Variants in NAP1L1 observed in about 807,000 individuals in gnomAD.
NAP1L1 encodes the protein nucleosome assembly protein 1-like 1.
In NAP1L1, 9 loss-of-function variants were observed where a neutral mutation model predicts 58.9. The ratio of observed to expected loss-of-function variants is 0.15; its 90% CI spans 0.09 to 0.27. The LOEUF (loss-of-function observed/expected upper bound fraction) is 0.27, where lower values mean the gene tolerates loss of function less well. Ranked by LOEUF, NAP1L1 falls within the 10% of genes least tolerant of loss-of-function variation. The pLI is 1.00. For synonymous variants in NAP1L1, 130 were observed against 138.3 expected, an observed-to-expected ratio of 0.94 and a Z score of 0.42; for missense variants, 302 against 458.8, an observed-to-expected ratio of 0.66 and a Z score of 3.12.
In NAP1L1 at chr12:76,076,610, A is replaced by G. The variant is rs923192650; in HGVS notation, c.-20-2371T>C. ...TATATATATCTCCACTCATATACGC[A>G]CATACTTTAATACAAATAAACCCTT... On this transcript the variant is annotated intron_variant, in intron 1 of 14. Coordinates refer to ENST00000618691, the MANE Select transcript of NAP1L1 (RefSeq NM_004537.7). 2.7e-5 allele frequency among the ~76,000 whole-genome samples: 4 copies of G among 146,684 alleles called. No individual in the cohort carries two copies. The Admixed American group carries it at 2.8e-4, about 10-fold the overall frequency.
In NAP1L1 at chr12:76,048,124, C is replaced by A. The variant is rs1371424788; in HGVS notation, c.*305G>T. Reference sequence around the variant, plus strand: ...TACAAAAAAAAAAAAAAGGTATTTCCTTTAACAGTTGTTAATTTTCATAGC... The same window carrying A: ...TACAAAAAAAAAAAAAAGGTATTTCATTTAACAGTTGTTAATTTTCATAGC... On this transcript the variant is annotated 3_prime_UTR_variant, in exon 15 of 15. Transcript: ENST00000618691. 2.4e-5 allele frequency: 8 copies of A among 336,242 alleles called. No homozygotes were observed. The highest frequency in any genetic ancestry group is 1.6e-3 in the Middle Eastern group (2 of 1,244). The allele number at this position is 336,242 out of a possible 1,614,324, so 20.8% of individuals were successfully genotyped here.
intron 6 of NAP1L1, chr12:76,056,831 G>C (rs1373266362): frequency 9.4e-6 from 3 of 318,956 alleles, no homozygotes; most frequent in African/African-American, 6.6e-5. Flanking sequence ...GGCCAACATG[G>C]CGAAACCCCA....
At position 76,053,168 on chromosome 12, in the gene NAP1L1, A is replaced by C. The variant is rs758946449; in HGVS notation, c.916+37T>G. On this transcript the variant is annotated intron_variant, in intron 10 of 14. Transcript: ENST00000618691. ...AAGAAGCTAAGCAATGCTTTTTATA[A>C]AACAACCGTTAATACTCAAGCTAAA... 10 of 1,612,198 alleles carry C rather than the reference A, an allele frequency of 6.2e-6. No homozygotes were observed. The South Asian group carries it at 9.9e-5, about 16-fold the overall frequency.
intron 4 of NAP1L1, among the ~76,000 whole-genome samples, chr12:76,066,391 T>G (rs879267353): frequency 1.3e-5 from 2 of 151,962 alleles, no homozygotes; most frequent in East Asian, 1.9e-4. Flanking sequence ...ATGGATAAAT[T>G]TGTAGAAATG....
chr12:76,068,425 G>A (rs1266929323), intron 3 of NAP1L1, among the ~76,000 whole-genome samples: 1 of 151,942 alleles, frequency 6.6e-6, no homozygotes, highest in East Asian at 1.9e-4. Context: ...CATACCCTAA[G>A]TAGTACAATC....
intron 7 of NAP1L1, 124 bp downstream of exon 7, chr12:76,055,909 A>C: frequency 1.0e-6 from 1 of 955,178 alleles, no homozygotes; most frequent in Non-Finnish European, 1.6e-6. Context: ...TACAGATATT[A>C]GCTATTTCAA....
chr12:76,060,871 T>C (rs1393526945), intron 4 of NAP1L1: 1 of 223,542 alleles, frequency 4.5e-6, no homozygotes, highest in Non-Finnish European at 9.3e-6. Context: ...GGCAGGTGGA[T>C]TCCTTTAGCC....
chr12:76,077,780 T>TA (rs1190167244), intron 1 of NAP1L1, among the ~76,000 whole-genome samples: 1 of 151,900 alleles, frequency 6.6e-6, no homozygotes, highest in Non-Finnish European at 1.5e-5. Context: ...GCTTAGGAGT[T>TA]AGAGACCAGC....
At chr12:76,072,470 CACA>C (rs1950000695) in intron 2 of NAP1L1, among the ~76,000 whole-genome samples, 1 of 152,030 alleles carries the variant, frequency 6.6e-6, no homozygotes, top group African/African-American at 2.4e-5. Context: ...CAATCCAACA[CACA>C]ACATCTAATA....
intron 3 of NAP1L1, among the ~76,000 whole-genome samples, chr12:76,067,967 TA>T (rs1014755478): frequency 7.9e-5 from 12 of 152,306 alleles, no homozygotes; most frequent in African/African-American, 2.9e-4. Flanking sequence ...TTAATAAAGT[TA>T]ATAGTTGGGA....
chr12:76,053,055 T>C (rs1026249087), intron 11 of NAP1L1, 36 bp downstream of exon 11: 8 of 1,572,804 alleles, frequency 5.1e-6, no homozygotes, highest in Non-Finnish European at 6.9e-6. Context: ...TCAAATATAC[T>C]TAACAATTCA....
chr12:76,048,395 T>A lies in NAP1L1; in HGVS notation c.*34A>T, dbSNP rs201828400. 25 of 1,611,220 alleles carry A rather than the reference T, an allele frequency of 1.6e-5. No homozygotes were observed. In the East Asian group the frequency reaches 5.4e-4, roughly 34 times the overall value. ...AAGAGTTGTGTTTAGGCTATTACAG[T>A]GCAGGTTATCCTCAAGGCCACATAC... On this transcript the variant is annotated 3_prime_UTR_variant, in exon 15 of 15. Coordinates refer to ENST00000618691, the MANE Select transcript of NAP1L1 (RefSeq NM_004537.7).
Position 76,049,676 on chromosome 12 carries a change from C to T in NAP1L1, c.1089+80G>A, listed in dbSNP as rs147337844. 8.0e-4 allele frequency: 1,251 copies of T among 1,568,516 alleles called. 7 individuals carry two copies. In the African/African-American group the frequency reaches 0.014, roughly 18 times the overall value. ...ATCCCAAATCACAGAATGATTATAG[C>T]AAAGGAATACATAAGTCATTCAATT... On this transcript the variant is annotated intron_variant, in intron 13 of 14. Coordinates refer to ENST00000618691, the MANE Select transcript of NAP1L1 (RefSeq NM_004537.7).
intron 12 of NAP1L1, 25 bp downstream of exon 12, chr12:76,050,506 C>A (rs771444151): frequency 3.2e-5 from 51 of 1,591,922 alleles, no homozygotes; most frequent in Non-Finnish European, 3.9e-5. Flanking sequence ...CCAATTATTT[C>A]TTTGCAGGAT....
intron 1 of NAP1L1, 96 bp from the exon 2 acceptor site, chr12:76,074,335 C>T (rs1031922032): frequency 7.3e-7 from 1 of 1,369,956 alleles, no homozygotes; most frequent in East Asian, 2.9e-5. Flanking sequence ...ATACTGAAAA[C>T]TATCCCAAGA....
rs201732636 is a variant in NAP1L1 at position 76,046,677 on chromosome 12, T to G, written c.*1752A>C. 1 of 152,494 alleles carries G rather than the reference T, an allele frequency of 6.6e-6. No homozygotes were observed. The highest frequency in any genetic ancestry group is 1.9e-4 in the East Asian group (1 of 5,200). 9.4% of individuals were successfully genotyped at this position (152,494 alleles called of 1,614,324 possible). ...CACTAACTTCTCAGAAAGGAAGTTT[T>G]CATTACCTCTAAAAATCAATTCAAT... is the stretch of plus-strand genomic sequence containing the variant. On this transcript the variant is annotated 3_prime_UTR_variant, in exon 15 of 15. Transcript: ENST00000618691.
At chr12:76,060,476 A>C (rs1949357781) in intron 4 of NAP1L1, among the ~76,000 whole-genome samples, 197 bp from the exon 5 acceptor site, 1 of 152,262 alleles carries the variant, frequency 6.6e-6, no homozygotes, top group African/African-American at 2.4e-5. Context: ...GTAGAAATGT[A>C]ACTGGGTAAA....
chr12:76,049,326 A>T, intron 13 of NAP1L1, 76 bp from the exon 14 acceptor site: 1 of 1,608,284 alleles, frequency 6.2e-7, no homozygotes, highest in Non-Finnish European at 8.5e-7. Flanking sequence ...GGGAAAATTT[A>T]ATACAAGTTA....
chr12:76,068,671 C>T (rs925901324), intron 3 of NAP1L1: 1 of 376,738 alleles, frequency 2.7e-6, no homozygotes, highest in Non-Finnish European at 4.7e-6. Flanking sequence ...CAAGTCACTC[C>T]AACAGTGCAG....
Sources: allele counts gnomAD v4.1 joint callset (sites outside exome capture counted in the v4.1 genomes callset), GRCh38; gene constraint gnomAD v4.1.1; transcripts MANE v1.5; gene names NCBI Gene and HGNC (gene_info 2026-07-23, HGNC 2026-07-21).